The following PKIB variants were observed in gnomAD, a reference collection of about 807,000 sequenced individuals.
The protein encoded by PKIB is PKI-beta.
A neutral mutation model predicts 4.5 loss-of-function variants in PKIB; 2 were observed. The observed-to-expected ratio is 0.44, with a 90% CI of 0.18 to 1.39. The LOEUF is 1.39. PKIB is among the 40% of genes most tolerant of loss of function. The probability of loss-of-function intolerance (pLI) is 0.27; values close to 1 mark genes in which losing one functional copy is unlikely to be tolerated. For synonymous variants in PKIB, 38 were observed against 36.0 expected (o/e 1.06, Z -0.20); for missense variants, 94 against 92.6 (o/e 1.02, Z -0.06).
At chr6:122,596,783 A>G (rs1028998235) in intron 3 of PKIB, among the ~76,000 whole-genome samples, 5 of 152,288 alleles carry the variant, frequency 3.3e-5, no homozygotes, top group Admixed American at 3.3e-4. Context: ...CTCAAGCACC[A>G]TTGGATCTGT....
intron 2 of PKIB, among the ~76,000 whole-genome samples, chr6:122,580,916 T>G (rs1209575459): frequency 6.6e-6 from 1 of 152,150 alleles, no homozygotes; most frequent in Non-Finnish European, 1.5e-5. Flanking sequence ...TGAGTCATAG[T>G]TGATGGGGAA....
chr6:122,598,441 T>C (rs1035532333), intron 3 of PKIB, among the ~76,000 whole-genome samples: 2 of 152,180 alleles, frequency 1.3e-5, no homozygotes, highest in African/African-American at 4.8e-5. Flanking sequence ...GCCACTTGGC[T>C]CCTCCCACCT....
Position 122,640,511 on chromosome 6 carries a change from G to A in PKIB, c.-76+7144G>A, listed in dbSNP as rs567921071. On this transcript the variant is annotated intron_variant, in intron 2 of 4. Transcript: ENST00000368452. ...TATCAAAGAAGATCTTGGACAACACGTTGTGACATGTTCAAAGAGAGCCTG... is the reference window on the plus strand; with the variant it reads ...TATCAAAGAAGATCTTGGACAACACATTGTGACATGTTCAAAGAGAGCCTG... 4.6e-5 allele frequency among the ~76,000 whole-genome samples: 7 copies of A among 152,286 alleles called. No homozygotes were observed. The South Asian group carries it at 8.3e-4, about 18-fold the overall frequency.
At chr6:122,579,696 A>AT (rs1442520695) in intron 2 of PKIB, among the ~76,000 whole-genome samples, 1 of 152,184 alleles carries the variant, frequency 6.6e-6, no homozygotes, top group Non-Finnish European at 1.5e-5. Flanking sequence ...ACTCTCTAGT[A>AT]TTTTCTCTAG....
intron 2 of PKIB, among the ~76,000 whole-genome samples, chr6:122,534,879 T>C (rs183603251): frequency 6.6e-6 from 1 of 152,292 alleles, no homozygotes; most frequent in Non-Finnish European, 1.5e-5. Context: ...TTAATAAAAG[T>C]GAAGGCTAAG....
chr6:122,538,841 C>T (rs556183985), intron 2 of PKIB, among the ~76,000 whole-genome samples: 1 of 152,106 alleles, frequency 6.6e-6, no homozygotes, highest in East Asian at 1.9e-4. Context: ...TGTTTGTATC[C>T]TCTTTTATTT....
intron 2 of PKIB, among the ~76,000 whole-genome samples, chr6:122,519,964 TA>T (rs1429282584): frequency 2.0e-5 from 3 of 152,200 alleles, no homozygotes; most frequent in Non-Finnish European, 4.4e-5. Flanking sequence ...TTTTCTCATT[TA>T]TCATGTAGTT....
chr6:122,531,771 T>C (rs1777266689), intron 2 of PKIB, among the ~76,000 whole-genome samples: 1 of 152,218 alleles, frequency 6.6e-6, no homozygotes, highest in Non-Finnish European at 1.5e-5. Context: ...CTTATTTCTT[T>C]CAAATACTAG....
In PKIB at chr6:122,726,217, A is replaced by T. The variant is rs968640222; in HGVS notation, c.*1022A>T. Reference sequence around the variant, plus strand: ...GATTTATTAGATATTTTAGAAAAATAATAGAATTCTGAAGTTTTAAAAATG... The same window carrying T: ...GATTTATTAGATATTTTAGAAAAATTATAGAATTCTGAAGTTTTAAAAATG... On this transcript the variant is annotated 3_prime_UTR_variant, in exon 5 of 5. Coordinates refer to ENST00000368452, the MANE Select transcript of PKIB (RefSeq NM_181795.3). 1.3e-5 allele frequency: 2 copies of T among 152,194 alleles called. No individual in the cohort carries two copies. Among genetic ancestry groups the T allele is most frequent in the Non-Finnish European group, 2.9e-5 (2 of 68,018 alleles). The allele number at this position is 152,194 out of a possible 1,614,324, so 9.4% of individuals were successfully genotyped here. A position where few individuals can be genotyped will look rare whatever the true frequency, so the allele number is the denominator to read the frequency against.
At chr6:122,651,920 C>T (rs1436855857) in intron 2 of PKIB, among the ~76,000 whole-genome samples, 1 of 152,258 alleles carries the variant, frequency 6.6e-6, no homozygotes, top group East Asian at 1.9e-4. Flanking sequence ...TATATGGTCA[C>T]CTAAAACCTT....
chr6:122,534,308 A>T (rs1370956406), intron 2 of PKIB, among the ~76,000 whole-genome samples: 1 of 151,926 alleles, frequency 6.6e-6, no homozygotes. Flanking sequence ...GTGGGGACAT[A>T]GATTGGAATT....
intron 2 of PKIB, among the ~76,000 whole-genome samples, chr6:122,564,886 G>A (rs1773139977): frequency 6.6e-6 from 1 of 151,976 alleles, no homozygotes; most frequent in African/African-American, 2.4e-5. Flanking sequence ...GGGTTTCTCT[G>A]GAAGAAAAAA....
intron 2 of PKIB, among the ~76,000 whole-genome samples, chr6:122,574,280 A>G (rs1773465089): frequency 6.6e-6 from 1 of 152,216 alleles, no homozygotes; most frequent in Admixed American, 6.5e-5. Context: ...AACAAATGGA[A>G]ACACATCTCC....
chr6:122,591,326 T>G (rs529886267), intron 3 of PKIB, among the ~76,000 whole-genome samples: 1 of 152,260 alleles, frequency 6.6e-6, no homozygotes, highest in South Asian at 2.1e-4. Context: ...TTTCAGTTTT[T>G]TTGCATTGAC....
In PKIB at chr6:122,509,632, C is replaced by T. The variant is rs143208575; in HGVS notation, c.-248+31693C>T. Among the ~76,000 whole-genome samples, 1,405 of 151,998 alleles carry T rather than the reference C, an allele frequency of 9.2e-3. 12 individuals carry two copies. Among genetic ancestry groups the T allele is most frequent in the Non-Finnish European group, 0.014 (967 of 67,956 alleles). On this transcript the variant is annotated intron_variant, in intron 2 of 6. Coordinates refer to the PKIB transcript ENST00000392491. ...ATTTTTAGTAGAGACAGGGCTTCAC[C>T]ATGTTAGCCAGGATGGTGTCGATCT...
rs549005440 is a variant in PKIB at position 122,615,534 on chromosome 6, ATGGGTGTAC to A, written c.-161+5002_-161+5010del. ...GCAGGTTTAAGAATGGGGCGACTTC[ATGGGTGTAC>A]TGAGTTGGATAATGTCTCCCCAAAA... On this transcript the variant is annotated intron_variant, in intron 1 of 4. Coordinates refer to ENST00000368452, the MANE Select transcript of PKIB (RefSeq NM_181795.3). Among the ~76,000 whole-genome samples, 331 of 152,300 alleles carry A rather than the reference ATGGGTGTAC, an allele frequency of 2.2e-3. 2 individuals are homozygous for A. The highest frequency in any genetic ancestry group is 7.8e-3 in the African/African-American group (324 of 41,552).
At chr6:122,581,770 A>G (rs1773711326) in intron 2 of PKIB, 1 of 151,906 alleles carries the variant, frequency 6.6e-6, no homozygotes, top group South Asian at 2.1e-4. Context: ...GGCAGGGACC[A>G]TTAAAAATCT....
chr6:122,645,194 T>G (rs1776264025), intron 2 of PKIB, among the ~76,000 whole-genome samples: 1 of 152,230 alleles, frequency 6.6e-6, no homozygotes, highest in Admixed American at 6.5e-5. Flanking sequence ...AACTCTTTCT[T>G]AAATAATCCA....
intron 1 of PKIB, among the ~76,000 whole-genome samples, chr6:122,475,881 T>C (rs1775441303): frequency 6.6e-6 from 1 of 152,176 alleles, no homozygotes; most frequent in Non-Finnish European, 1.5e-5. Flanking sequence ...CTAGAATCAG[T>C]GTGTCTCCAT....
Sources: allele counts gnomAD v4.1 joint callset (sites outside exome capture counted in the v4.1 genomes callset), GRCh38; gene constraint gnomAD v4.1.1; transcripts MANE v1.5; gene names NCBI Gene and HGNC (gene_info 2026-07-23, HGNC 2026-07-21).